Variants in DAW1 observed in about 807,000 individuals in gnomAD.
The protein encoded by DAW1 is dynein assembly factor with WD repeat domains 1.
Under a neutral mutation model 56.5 loss-of-function variants are expected in DAW1, and 47 were observed. The observed-to-expected ratio is 0.83, with a 90% CI of 0.66 to 1.06. The LOEUF is 1.06. DAW1 is among the 50% of genes least tolerant of loss of function. DAW1 has a pLI of 0.00. For synonymous variants in DAW1, 190 were observed against 179.0 expected, an observed-to-expected ratio of 1.06 and a Z score of -0.49; for missense variants, 505 against 499.3, an observed-to-expected ratio of 1.01 and a Z score of -0.11.
At chr2:227,886,617 T>TA (rs1442290719) in intron 2 of DAW1, among the ~76,000 whole-genome samples, 2 of 150,842 alleles carry the variant, frequency 1.3e-5, no homozygotes, top group South Asian at 2.1e-4. Flanking sequence ...ACTCTGTCTT[T>TA]AAAAAAAAAG....
intron 2 of DAW1, 23 bp from the exon 3 acceptor site, chr2:227,889,833 A>G (rs1298538615): frequency 2.6e-6 from 4 of 1,535,530 alleles, no homozygotes; most frequent in Non-Finnish European, 3.5e-6. Flanking sequence ...AATAAAAGAA[A>G]CTCTTTTTTG....
At chr2:227,912,636 A>G (rs1383049641) in intron 10 of DAW1, among the ~76,000 whole-genome samples, 1 of 152,126 alleles carries the variant, frequency 6.6e-6, no homozygotes, top group African/African-American at 2.4e-5. Context: ...CATTTCCTTG[A>G]AAACAAAAAT....
Position 227,924,157 on chromosome 2 carries a change from T to C in DAW1, c.*189T>C, listed in dbSNP as rs1692172265. Reference sequence around the variant, plus strand: ...CAAAGTTATGCCACTCCAATATTATTATTTGATGGCGATGGCAGGACACAG... The same window carrying C: ...CAAAGTTATGCCACTCCAATATTATCATTTGATGGCGATGGCAGGACACAG... On this transcript the variant is annotated 3_prime_UTR_variant, in exon 13 of 13. Coordinates refer to ENST00000309931, the MANE Select transcript of DAW1 (RefSeq NM_178821.3). 2 of 651,612 alleles carry C rather than the reference T, an allele frequency of 3.1e-6. No homozygotes were observed. The highest frequency in any genetic ancestry group is 2.9e-5 in the Admixed American group (1 of 34,922). 40.4% of individuals were successfully genotyped at this position (651,612 alleles called of 1,614,324 possible).
chr2:227,887,978 T>C (rs925457415), intron 2 of DAW1, among the ~76,000 whole-genome samples: 2 of 152,178 alleles, frequency 1.3e-5, no homozygotes, highest in African/African-American at 2.4e-5. Context: ...TTATATAAGT[T>C]GTTGAAAACG....
At chr2:227,912,148 T>C (rs1691840481) in intron 10 of DAW1, 1 of 364,130 alleles carries the variant, frequency 2.7e-6, no homozygotes, top group Admixed American at 3.7e-5. Flanking sequence ...TTGTCTTTTC[T>C]GGAACCAAGT....
intron 10 of DAW1, chr2:227,912,239 C>CT (rs765831724): frequency 4.2e-6 from 2 of 471,924 alleles, no homozygotes; most frequent in East Asian, 7.0e-5. Context: ...TTCTCTTTTT[C>CT]TTTTTTTCTT....
intron 1 of DAW1, 117 bp from the exon 2 acceptor site, chr2:227,885,234 T>C: frequency 1.5e-6 from 1 of 663,348 alleles, no homozygotes; most frequent in Non-Finnish European, 2.4e-6. Context: ...GCTTATTTTT[T>C]GTTAAAAAAT....
At chr2:227,921,330 T>TTTG (rs1186352523) in intron 11 of DAW1, 69 bp from the exon 12 acceptor site, 1 of 460,328 alleles carries the variant, frequency 2.2e-6, no homozygotes, top group East Asian at 5.9e-5. Context: ...TTTTTTTTTT[T>TTTG]TTTGCTGATA....
chr2:227,919,821 T>G (rs988338859), intron 11 of DAW1, among the ~76,000 whole-genome samples: 1 of 152,210 alleles, frequency 6.6e-6, no homozygotes, highest in Non-Finnish European at 1.5e-5. Context: ...TCAGATTTGT[T>G]CCTGCTTTGC....
intron 4 of DAW1, among the ~76,000 whole-genome samples, chr2:227,892,771 T>C (rs1691296249): frequency 6.6e-6 from 1 of 152,168 alleles, no homozygotes; most frequent in Non-Finnish European, 1.5e-5. Context: ...CTTTTCAATT[T>C]TGTGGGTTGT....
At chr2:227,900,558 C>T (rs140780602) in intron 6 of DAW1, among the ~76,000 whole-genome samples, 1,926 of 152,238 alleles carry the variant, frequency 0.013, 25 homozygotes, top group Non-Finnish European at 0.019. Context: ...GCAGTGTGGC[C>T]TCCTGAGCCA....
intron 10 of DAW1, among the ~76,000 whole-genome samples, chr2:227,909,151 A>G (rs1341204226): frequency 6.6e-6 from 1 of 151,644 alleles, no homozygotes; most frequent in East Asian, 1.9e-4. Flanking sequence ...ATGATGCTAT[A>G]GTATTTATAC....
chr2:227,897,027 A>T (rs1448786262), intron 5 of DAW1, among the ~76,000 whole-genome samples: 3 of 150,806 alleles, frequency 2.0e-5, no homozygotes, highest in African/African-American at 7.3e-5. Context: ...TTGAGGTTGC[A>T]GTGAGCTGAG....
intron 5 of DAW1, among the ~76,000 whole-genome samples, chr2:227,896,593 A>AGAGTGT (rs1691412591): frequency 7.0e-6 from 1 of 143,564 alleles, no homozygotes; most frequent in African/African-American, 2.6e-5. Flanking sequence ...AATAAGAGGG[A>AGAGTGT]GTGTGTGTGT....
At chr2:227,914,480 G>A (rs1021938620) in intron 10 of DAW1, among the ~76,000 whole-genome samples, 22 of 151,874 alleles carry the variant, frequency 1.4e-4, no homozygotes, top group Admixed American at 1.1e-3. Context: ...TCTACGCTGA[G>A]CCATCATATT....
chr2:227,917,142 A>ATCTATCTATCTGTCTGTCTG (rs1162712241), intron 10 of DAW1, among the ~76,000 whole-genome samples: 33 of 138,456 alleles, frequency 2.4e-4, no homozygotes, highest in Admixed American at 1.2e-3. Context: ...CTATCTATCT[A>ATCTATCTATCTGTCTGTCTG]TCTGTCTGTC....
At position 227,893,804 on chromosome 2, in the gene DAW1, A is replaced by G. The variant is rs746808039; in HGVS notation, c.327A>G (p.Thr109=). 25 of 1,611,814 alleles carry G rather than the reference A, an allele frequency of 1.6e-5. No individual in the cohort carries two copies. The South Asian group carries it at 2.8e-4, about 18-fold the overall frequency. ...ALNKSGSCFI[T]GSYDRTCKLW... ...ATATTCCTTGTGTTAGCTTTATCAC[A>G]GGAAGCTATGATCGGACGTGCAAGC... Residue 109 remains threonine, a synonymous_variant, in exon 5 of 13, where the codon ACA becomes ACG. Coordinates refer to ENST00000309931, the MANE Select transcript of DAW1 (RefSeq NM_178821.3).
intron 6 of DAW1, among the ~76,000 whole-genome samples, chr2:227,900,636 T>G (rs1233714315): frequency 6.6e-6 from 1 of 152,102 alleles, no homozygotes; most frequent in Non-Finnish European, 1.5e-5. Context: ...CGAGCAGCCC[T>G]GGAAAATGCT....
At chr2:227,897,849 A>G (rs1173714922) in intron 5 of DAW1, among the ~76,000 whole-genome samples, 1 of 152,072 alleles carries the variant, frequency 6.6e-6, no homozygotes, top group Non-Finnish European at 1.5e-5. Flanking sequence ...TTCTATGTTT[A>G]CACAGTTCAT....
Sources: gnomAD v4.1 joint callset for allele counts (sites outside exome capture counted in the v4.1 genomes callset) on GRCh38, gnomAD v4.1.1 for gene constraint, MANE v1.5 for transcripts, NCBI Gene and HGNC (gene_info 2026-07-23, HGNC 2026-07-21) for gene names.